Variants in OVCH1 observed in about 807,000 individuals in gnomAD.
OVCH1 encodes ovochymase 1, also known as ovochymase-1.
A neutral mutation model predicts 138.4 loss-of-function variants in OVCH1; 139 were observed. The ratio of observed to expected loss-of-function variants is 1.00; its 90% confidence interval spans 0.87 to 1.16. The LOEUF is 1.16. Ranked by LOEUF, OVCH1 falls within the 50% of genes most tolerant of loss-of-function variation. The pLI, the probability that OVCH1 is intolerant of heterozygous loss-of-function variation, is 0.00. For synonymous variants in OVCH1, 453 were observed against 467.8 expected (o/e 0.97, Z 0.41); for missense variants, 1,367 against 1,357.9 (o/e 1.01, Z -0.11).
chr12:29,475,014 C>T (rs1180753598), intron 14 of OVCH1, 47 bp downstream of exon 14: 8 of 1,540,616 alleles, frequency 5.2e-6, no homozygotes, highest in Non-Finnish European at 6.2e-6. Flanking sequence ...TTCCCTGTAA[C>T]CATTTGCATA....
intron 18 of OVCH1, among the ~76,000 whole-genome samples, chr12:29,462,885 A>T (rs116924479): frequency 1.2e-3 from 186 of 151,820 alleles, no homozygotes; most frequent in Non-Finnish European, 2.4e-3. Flanking sequence ...ATATACTAAA[A>T]CTCCTCTTCT....
chr12:29,439,075 C>T (rs1941418178), intron 26 of OVCH1, among the ~76,000 whole-genome samples: 1 of 152,184 alleles, frequency 6.6e-6, no homozygotes, highest in Non-Finnish European at 1.5e-5. Flanking sequence ...AGAGACAAAT[C>T]TCGACTCTTA....
chr12:29,483,991 T>G (rs1943016089), intron 8 of OVCH1, among the ~76,000 whole-genome samples: 1 of 152,240 alleles, frequency 6.6e-6, no homozygotes, highest in Non-Finnish European at 1.5e-5. Flanking sequence ...CCTCTTGTAG[T>G]ATAGTTATTT....
downstream of OVCH1, among the ~76,000 whole-genome samples, chr12:29,411,572 A>T (rs1188109634): frequency 2.6e-5 from 4 of 152,146 alleles, no homozygotes; most frequent in Admixed American, 6.5e-5. Context: ...GGTCCACTCC[A>T]GACCCTGTTT....
intron 26 of OVCH1, among the ~76,000 whole-genome samples, chr12:29,437,965 C>T (rs993895128): frequency 6.6e-6 from 1 of 152,086 alleles, no homozygotes; most frequent in African/African-American, 2.4e-5. Context: ...TCTGTAAACA[C>T]TTCTTATATT....
chr12:29,418,080 G>GT (rs1941056521), intron 3 of OVCH1, among the ~76,000 whole-genome samples: 1 of 152,198 alleles, frequency 6.6e-6, no homozygotes, highest in Non-Finnish European at 1.5e-5. Context: ...AGTTCCCGCA[G>GT]TATGTTTTCT....
At chr12:29,421,002 C>A (rs1040415276) in intron 3 of OVCH1, among the ~76,000 whole-genome samples, 1 of 152,218 alleles carries the variant, frequency 6.6e-6, no homozygotes, top group African/African-American at 2.4e-5. Flanking sequence ...CTTGAACAAG[C>A]AGTCTCAGAG....
At chr12:29,404,363 C>CA in the OVCH1 span, among the ~76,000 whole-genome samples, 2 of 152,140 alleles carry the variant, frequency 1.3e-5, no homozygotes, top group African/African-American at 4.8e-5. Context: ...GAAGTTCTCC[C>CA]AAATGCCTGA....
At chr12:29,463,732 G>A (rs1407205687) in intron 18 of OVCH1, among the ~76,000 whole-genome samples, 1 of 152,182 alleles carries the variant, frequency 6.6e-6, no homozygotes, top group Non-Finnish European at 1.5e-5. Context: ...TGTTGGGTGT[G>A]AAGATTTTTA....
At chr12:29,436,922 G>T (rs1036958296) in intron 26 of OVCH1, among the ~76,000 whole-genome samples, 1 of 152,194 alleles carries the variant, frequency 6.6e-6, no homozygotes, top group Non-Finnish European at 1.5e-5. Flanking sequence ...AGGGACCCAA[G>T]CGGGTTGCTG....
At chr12:29,487,648 C>T (rs1943148898) in intron 7 of OVCH1, 45 bp downstream of exon 7, 3 of 1,506,618 alleles carry the variant, frequency 2.0e-6, no homozygotes, top group Middle Eastern at 1.7e-4. Flanking sequence ...AGCAGAGTAA[C>T]TACCCTTGAG....
At chr12:29,478,925 G>A (rs1942834459) in intron 8 of OVCH1, 1 of 1,542,262 alleles carries the variant, frequency 6.5e-7, no homozygotes, top group Non-Finnish European at 8.8e-7. Flanking sequence ...AATTTTATCA[G>A]GATTATTTTA....
At chr12:29,454,996 ACTAAAGCAG>A in intron 20 of OVCH1, 63 bp from the exon 21 acceptor site, 1 of 1,373,930 alleles carries the variant, frequency 7.3e-7, no homozygotes, top group Non-Finnish European at 1.0e-6. Flanking sequence ...TATAGTGGGC[ACTAAAGCAG>A]CCACTATCAA....
intron 12 of OVCH1, 98 bp downstream of exon 12, chr12:29,477,004 T>C: frequency 1.5e-6 from 2 of 1,338,838 alleles, no homozygotes; most frequent in African/African-American, 1.5e-5. Context: ...AAGAAGCTCC[T>C]AGTCATAATG....
At chr12:29,496,148 A>G (rs1266908221) in intron 3 of OVCH1, 33 bp downstream of exon 3, 1 of 1,542,076 alleles carries the variant, frequency 6.5e-7, no homozygotes, top group African/African-American at 1.4e-5. Context: ...CCAGGAATCA[A>G]GGCCTGACAA....
chr12:29,463,254 C>T (rs770375229), intron 18 of OVCH1, among the ~76,000 whole-genome samples: 10 of 152,170 alleles, frequency 6.6e-5, no homozygotes, highest in Non-Finnish European at 1.0e-4. Context: ...CCAGGTAGTG[C>T]GGAATGTGAT....
chr12:29,494,367 A>T (rs1943354266), intron 4 of OVCH1, among the ~76,000 whole-genome samples: 1 of 152,182 alleles, frequency 6.6e-6, no homozygotes, highest in African/African-American at 2.4e-5. Flanking sequence ...GGGGGCTTTT[A>T]GTATTTTACC....
chr12:29,439,407 A>G (rs773385363), exon 26 of OVCH1: 7 of 1,548,448 alleles, frequency 4.5e-6, no homozygotes, highest in Non-Finnish European at 6.1e-6. Flanking sequence ...TTTTGTCAGT[A>G]TCATTGCCAG....
At chr12:29,480,542 A>G (rs757364112) in intron 8 of OVCH1, among the ~76,000 whole-genome samples, 1 of 152,218 alleles carries the variant, frequency 6.6e-6, no homozygotes, top group African/African-American at 2.4e-5. Context: ...AGTCTGGTCA[A>G]GCTAAGTGAG....
Sources: allele counts gnomAD v4.1 joint callset (sites outside exome capture counted in the v4.1 genomes callset), GRCh38; gene constraint gnomAD v4.1.1; transcripts MANE v1.5; gene names NCBI Gene and HGNC (gene_info 2026-07-23, HGNC 2026-07-21).